Variants in CFAP65 observed in about 807,000 individuals in gnomAD.
CFAP65 encodes cilia and flagella associated protein 65.
Under a neutral mutation model 208.0 loss-of-function variants are expected in CFAP65, and 155 were observed. The ratio of observed to expected loss-of-function variants is 0.75; its 90% confidence interval spans 0.65 to 0.85. The LOEUF (loss-of-function observed/expected upper bound fraction) is 0.85. Among genes scored for constraint, CFAP65 ranks in the 40% least tolerant of loss-of-function variants. CFAP65 has a pLI of 0.00. For missense variants in CFAP65, 2,294 were observed against 2,451.3 expected (o/e 0.94, Z 1.36); for synonymous variants, 970 against 986.3 (o/e 0.98, Z 0.31).
Position 219,014,027 on chromosome 2 carries a change from CTTGGAAG to C in CFAP65, c.3613_3619del (p.Leu1205ValfsTer16). ...GAGCTCCACGTCAATCCGCTGGTCA[CTTGGAAG>C]GAGGAAGGCCCTGGGAGAGGGGTGC... On this transcript the variant is annotated frameshift_variant, in exon 22 of 35. Coordinates refer to ENST00000341552, the MANE Select transcript of CFAP65 (RefSeq NM_194302.4). LOFTEE classifies it high-confidence loss of function. 1 of 1,611,752 alleles carries C rather than the reference CTTGGAAG, an allele frequency of 6.2e-7. No individual in the cohort carries two copies. Among genetic ancestry groups the C allele is most frequent in the South Asian group, 1.1e-5 (1 of 90,802 alleles).
rs1358883482 is a variant in CFAP65 at position 219,009,369 on chromosome 2, T to C, written c.4544A>G (p.Tyr1515Cys). 6.2e-7 allele frequency: 1 copy of C among 1,612,408 alleles called. No homozygotes were observed. The highest frequency in any genetic ancestry group is 2.2e-5 in the East Asian group (1 of 44,868). Residue 1515 changes from tyrosine (Y) to cysteine (C), a missense_variant, in exon 28 of 35, where the codon TAC becomes TGC. Physicochemically the swap from Tyr to Cys is radical, Grantham distance 194 (BLOSUM62 -2). Around this residue, in one of 2 missense-constraint regions of CFAP65, gnomAD observed 1,427 missense variants for 1,438.7 expected, o/e 0.99. Transcript: ENST00000341552. ...TLRASVHASF[Y>C]SADLVCKLYS... Reference sequence around the variant, plus strand: ...TACCTTGCATACCAGGTCTGCACTGTAGAAGCTGGCATGCACAGAGGCCCT... The same window carrying C: ...TACCTTGCATACCAGGTCTGCACTGCAGAAGCTGGCATGCACAGAGGCCCT...
chr2:219,023,870 G>A, intron 15 of CFAP65, 145 bp downstream of exon 15: 1 of 1,034,152 alleles, frequency 9.7e-7, no homozygotes, highest in South Asian at 1.6e-5. Flanking sequence ...GGTCAAGCAG[G>A]TTCTTTCCCT....
chr2:219,039,465 T>C (rs144630868), intron 2 of CFAP65, among the ~76,000 whole-genome samples: 43 of 152,310 alleles, frequency 2.8e-4, no homozygotes, highest in Non-Finnish European at 5.1e-4. Flanking sequence ...TGCAGATCCC[T>C]ATAATGACTT....
At position 219,010,799 on chromosome 2, in the gene CFAP65, G is replaced by T. The variant is rs757643484; in HGVS notation, c.4149+6C>A. On this transcript the variant is annotated splice_donor_region_variant and intron_variant, in intron 25 of 34. Transcript: ENST00000341552. ...CACCTCCCACGTCATCCAGGTTGCT[G>T]CTCACCGTGTAGGTCTTGGCCTCGA... is the stretch of plus-strand genomic sequence containing the variant. 1 of 1,598,262 alleles carries T rather than the reference G, an allele frequency of 6.3e-7. No homozygotes were observed. The highest frequency in any genetic ancestry group is 1.7e-5 in the Admixed American group (1 of 59,470).
chr2:219,018,873 C>G, intron 21 of CFAP65, 178 bp downstream of exon 21: 2 of 777,608 alleles, frequency 2.6e-6, no homozygotes, highest in Non-Finnish European at 4.3e-6. Flanking sequence ...GTGACAGGCC[C>G]GGAGTCCTGC....
chr2:219,026,281 C>G, intron 13 of CFAP65, 122 bp from the exon 14 acceptor site: 1 of 1,062,732 alleles, frequency 9.4e-7, no homozygotes, highest in Admixed American at 2.4e-5. Context: ...GACAGGAGGG[C>G]CTCCCTGGGA....
rs1946241951 is a variant in CFAP65, at chr2:219,009,092, C to T, written c.4629G>A (p.Lys1543=). Residue 1543 remains lysine, a synonymous_variant, in exon 29 of 35, where the codon AAG becomes AAA. Transcript: ENST00000341552. Reference sequence around the variant, plus strand: ...TGGTGAACTCCACTTCCTGCCGCACCTTCTCGTCCTTCCACTCCTGCAGCT... The same window carrying T: ...TGGTGAACTCCACTTCCTGCCGCACTTTCTCGTCCTTCCACTCCTGCAGCT... ...HKELQEWKDE[K]VRQEVEFTIT... 2 of 1,612,948 alleles carry T rather than the reference C, an allele frequency of 1.2e-6. No individual in the cohort carries two copies. Among genetic ancestry groups the T allele is most frequent in the Non-Finnish European group, 8.5e-7 (1 of 1,179,968 alleles).
rs945487072 is a variant in CFAP65 at position 219,004,835 on chromosome 2, G to C, written c.5052-380C>G. On this transcript the variant is annotated intron_variant, in intron 32 of 34. Transcript: ENST00000341552. This position sits in a 1 kb window ranked among gnomAD's most constrained non-coding sequence, Gnocchi z 4.7. ...CTGTCCTGGGGTGGGGGGGCCGGGG[G>C]GGGGGACCGTGGTGGGATCTTGCAA... 2.0e-5 allele frequency among the ~76,000 whole-genome samples: 3 copies of C among 147,998 alleles called. No individual in the cohort carries two copies. Among genetic ancestry groups the C allele is most frequent in the South Asian group, 2.3e-4 (1 of 4,404 alleles).
chr2:219,025,882 C>A, intron 14 of CFAP65, 140 bp downstream of exon 14: 1 of 1,048,318 alleles, frequency 9.5e-7, no homozygotes, highest in Non-Finnish European at 1.4e-6. Flanking sequence ...CCAGAATTGG[C>A]ACAGCGGACG....
chr2:219,026,855 A>G, intron 13 of CFAP65: 1 of 986,480 alleles, frequency 1.0e-6, no homozygotes. Context: ...ACAAACCTCA[A>G]CATCACCCCA....
intron 4 of CFAP65, among the ~76,000 whole-genome samples, chr2:219,037,207 T>C (rs1401979360): frequency 2.6e-5 from 4 of 152,026 alleles, no homozygotes; most frequent in South Asian, 2.1e-4. Flanking sequence ...CTGGCCAATA[T>C]GGTGAAACCC....
At chr2:219,015,286 C>T (rs545278938) in intron 21 of CFAP65, 1 of 150,710 alleles carries the variant, frequency 6.6e-6, no homozygotes, top group African/African-American at 2.5e-5. Flanking sequence ...ATGTGCGCAA[C>T]ACACACCTAA....
In CFAP65 at chr2:219,010,807, T is replaced by C; in HGVS notation, c.4147A>G (p.Thr1383Ala). The change falls in exon 25 of 35, where the codon ACG becomes GCG. Residue 1383 changes from threonine (T) to alanine (A), a missense_variant and splice_region_variant. By Grantham distance (58) the Thr-to-Ala change is moderately conservative (BLOSUM62 0). Around this residue, in one of 2 missense-constraint regions of CFAP65, gnomAD observed 1,427 missense variants for 1,438.7 expected, o/e 0.99. Transcript: ENST00000341552. Reference sequence around the variant, plus strand: ...ACGTCATCCAGGTTGCTGCTCACCGTGTAGGTCTTGGCCTCGATAGGTGAG... The same window carrying C: ...ACGTCATCCAGGTTGCTGCTCACCGCGTAGGTCTTGGCCTCGATAGGTGAG... ...IFSPIEAKTY[T>A]VDVPIHILGW... 1 of 1,605,544 alleles carries C rather than the reference T, an allele frequency of 6.2e-7. No individual in the cohort carries two copies. Among genetic ancestry groups the C allele is most frequent in the Non-Finnish European group, 8.5e-7 (1 of 1,173,860 alleles).
intron 24 of CFAP65, among the ~76,000 whole-genome samples, 153 bp downstream of exon 24, chr2:219,013,106 C>T (rs1946596662): frequency 6.6e-6 from 1 of 152,308 alleles, no homozygotes; most frequent in South Asian, 2.1e-4. Flanking sequence ...TCAAGTCTCT[C>T]CCAGTTGCCC....
At chr2:219,013,413 A>G in intron 23 of CFAP65, 44 bp from the exon 24 acceptor site, 1 of 1,545,364 alleles carries the variant, frequency 6.5e-7, no homozygotes, top group Non-Finnish European at 8.9e-7. Flanking sequence ...CAGCCAGTGG[A>G]GATCTGGACC....
At chr2:219,015,636 G>A (rs1028748727) in intron 21 of CFAP65, 1 of 152,232 alleles carries the variant, frequency 6.6e-6, no homozygotes, top group African/African-American at 2.4e-5. Flanking sequence ...GGCAGCTTAT[G>A]CCCTTTGACC....
Position 219,003,395 on chromosome 2 carries a change from C to T in CFAP65, c.5556-123G>A. On this transcript the variant is annotated intron_variant, in intron 33 of 34. Coordinates refer to ENST00000341552, the MANE Select transcript of CFAP65 (RefSeq NM_194302.4). This position sits in a 1 kb window ranked among gnomAD's most constrained non-coding sequence, Gnocchi z 4.4. Reference sequence around the variant, plus strand: ...AGATTCCCATTCGACTCCCCTCATCCACTACACTATGGGGCATTCTTGTTT... The same window carrying T: ...AGATTCCCATTCGACTCCCCTCATCTACTACACTATGGGGCATTCTTGTTT... 3 of 1,203,466 alleles carry T rather than the reference C, an allele frequency of 2.5e-6. No homozygotes were observed. The highest frequency in any genetic ancestry group is 3.4e-6 in the Non-Finnish European group (3 of 890,498). The allele number at this position is 1,203,466 out of a possible 1,614,324, so 74.5% of individuals were successfully genotyped here. A position where few individuals can be genotyped will look rare whatever the true frequency, so the allele number is the denominator to read the frequency against.
At chr2:219,006,280 A>G (rs1945973201) in intron 30 of CFAP65, 57 bp from the exon 31 acceptor site, 2 of 1,552,652 alleles carry the variant, frequency 1.3e-6, no homozygotes, top group Non-Finnish European at 1.8e-6. Flanking sequence ...TCACATCACC[A>G]ATGGGGTCCC....
intron 4 of CFAP65, among the ~76,000 whole-genome samples, chr2:219,036,595 C>G (rs1467437929): frequency 6.6e-6 from 1 of 152,152 alleles, no homozygotes; most frequent in African/African-American, 2.4e-5. Context: ...CAGGCACCCG[C>G]CATCATGCCT....
Sources: gnomAD v4.1 joint callset for allele counts (sites outside exome capture counted in the v4.1 genomes callset) on GRCh38, gnomAD v4.1.1 for gene constraint, gnomAD v4.1.1 regional missense constraint, Gnocchi (gnomAD v3.1) non-coding constraint, MANE v1.5 for transcripts, NCBI Gene and HGNC (gene_info 2026-07-23, HGNC 2026-07-21) for gene names.